The following ECE1 variants were observed in gnomAD, a reference collection of about 807,000 sequenced individuals.
The protein encoded by ECE1 is endothelin converting enzyme 1, also known as endothelin-converting enzyme 1.
In ECE1, 35 loss-of-function variants were observed where a neutral mutation model predicts 98.6. The ratio of observed to expected loss-of-function variants is 0.35; its 90% CI spans 0.27 to 0.47. The LOEUF is 0.47. Ranked by LOEUF, ECE1 falls within the 20% of genes least tolerant of loss-of-function variation. The probability of loss-of-function intolerance (pLI) is 1.00; values close to 1 mark genes in which losing one functional copy is unlikely to be tolerated. For missense variants in ECE1, 814 were observed against 1,025.3 expected (o/e 0.79, Z 2.81); for synonymous variants, 394 against 407.1 (o/e 0.97, Z 0.39).
In ECE1 at chr1:21,248,786, G is replaced by A. The variant is rs1012718686; in HGVS notation, c.1021-1423C>T. Among the ~76,000 whole-genome samples the A allele has an allele frequency of 1.7e-4, 26 of 151,862 alleles. No homozygotes were observed. In the East Asian group the frequency reaches 4.3e-3, roughly 25 times the overall value. ...ATTACAGGTGTGAGCCACCACTCCT[G>A]GCTAATTTTTGTATTTTTAGTAGAG... is the stretch of plus-strand genomic sequence containing the variant. On this transcript the variant is annotated intron_variant, in intron 8 of 18. Coordinates refer to ENST00000374893, the MANE Select transcript of ECE1 (RefSeq NM_001397.3).
At chr1:21,342,607 TACACAC>T (rs71014187) in intron 1 of ECE1, among the ~76,000 whole-genome samples, 8,484 of 139,692 alleles carry the variant, frequency 0.061, 350 homozygotes, top group Non-Finnish European at 0.093. Flanking sequence ...CACACACAGA[TACACAC>T]ACACACACAC....
chr1:21,221,606 A>G lies in ECE1; in HGVS notation c.2136+141T>C. On this transcript the variant is annotated intron_variant, in intron 18 of 18. Transcript: ENST00000374893. ...GGCCCTTCCGTGCATCTCTCTAATG[A>G]CAGGGCACATGTGCTGTGCACAGTC... is the stretch of plus-strand genomic sequence containing the variant. The G allele has an allele frequency of 3.4e-6, 3 of 886,824 alleles. No individual in the cohort carries two copies. The South Asian group carries it at 4.0e-5, about 12-fold the overall frequency. The allele number at this position is 886,824 out of a possible 1,614,324, so 54.9% of individuals were successfully genotyped here.
intron 10 of ECE1, among the ~76,000 whole-genome samples, chr1:21,242,280 T>C (rs545366265): frequency 6.6e-6 from 1 of 152,302 alleles, no homozygotes; most frequent in African/African-American, 2.4e-5. Context: ...CCAAATTCCA[T>C]GCCGTTTCCT....
Position 21,258,762 on chromosome 1 carries a change from G to C in ECE1, c.693C>G (p.Tyr231Ter), listed in dbSNP as rs1229153923. 1 of 1,614,132 alleles carries C rather than the reference G, an allele frequency of 6.2e-7. No homozygotes were observed. Among genetic ancestry groups the C allele is most frequent in the Non-Finnish European group, 8.5e-7 (1 of 1,180,056 alleles). ...AGACAGAGAAGAAGGGTGAGGTGCG[G>C]TAGTGGGCGGTGACCACCTGCAGGG... ...QDTLQVVTAH[Y>*]RTSPFFSVYV... The change falls in exon 6 of 19, where the codon TAC becomes TAG. Residue 231 changes from tyrosine to a stop codon, truncating the protein, a stop_gained. Transcript: ENST00000374893. LOFTEE classifies it high-confidence loss of function. The surrounding 1 kb of genome is among the most constrained non-coding windows in gnomAD (Gnocchi z 4.2).
intron 1 of ECE1, among the ~76,000 whole-genome samples, chr1:21,337,892 C>T (rs1343197887): frequency 6.6e-6 from 1 of 152,224 alleles, no homozygotes; most frequent in Non-Finnish European, 1.5e-5. Flanking sequence ...GCCTCCCTGC[C>T]CTCTCCTCCC....
At position 21,307,310 on chromosome 1, in the gene ECE1, C is replaced by T. The variant is rs1349115639; in HGVS notation, c.4-17154G>A. ...TCCACATCATGGGTGGAAGATAGATCTCAAGGTCAGACACATTTGGCTGCT... is the reference window on the plus strand; with the variant it reads ...TCCACATCATGGGTGGAAGATAGATTTCAAGGTCAGACACATTTGGCTGCT... On this transcript the variant is annotated intron_variant, in intron 1 of 18. Coordinates refer to the ECE1 transcript ENST00000415912. This position sits in a 1 kb window ranked among gnomAD's most constrained non-coding sequence, Gnocchi z 4.2. Among the ~76,000 whole-genome samples, 1 of 152,204 alleles carries T rather than the reference C, an allele frequency of 6.6e-6. No homozygotes were observed. Among genetic ancestry groups the T allele is most frequent in the Non-Finnish European group, 1.5e-5 (1 of 68,040 alleles).
At chr1:21,329,125 G>T (rs1639142835) in intron 1 of ECE1, among the ~76,000 whole-genome samples, 1 of 152,110 alleles carries the variant, frequency 6.6e-6, no homozygotes, top group Non-Finnish European at 1.5e-5. Flanking sequence ...TAGATTTCTA[G>T]CATATTCTAT....
intron 17 of ECE1, among the ~76,000 whole-genome samples, chr1:21,222,563 G>A (rs1005291363): frequency 3.9e-5 from 6 of 152,092 alleles, no homozygotes; most frequent in Admixed American, 6.6e-5. Context: ...CCACATGGCC[G>A]GGTGCGATGA....
chr1:21,254,494 CAGAAGCAGT>C lies in ECE1; in HGVS notation c.1020+1444_1020+1452del, dbSNP rs538817384. Among the ~76,000 whole-genome samples the C allele has an allele frequency of 6.6e-4, 100 of 152,178 alleles. 1 individual carries two copies. The highest frequency in any genetic ancestry group is 5.7e-3 in the Admixed American group (87 of 15,282). ...TCTTCCTCTGCTTGGAAGAAGAGAG[CAGAAGCAGT>C]GGTGATAGGATGCCTGGGGGGAACC... On this transcript the variant is annotated intron_variant, in intron 8 of 18. Coordinates refer to ENST00000374893, the MANE Select transcript of ECE1 (RefSeq NM_001397.3).
chr1:21,275,674 T>C (rs1177153051), intron 3 of ECE1, among the ~76,000 whole-genome samples: 4 of 152,354 alleles, frequency 2.6e-5, no homozygotes, highest in African/African-American at 7.2e-5. Flanking sequence ...GCTAGGGACC[T>C]ACGAGGTGCT....
At chr1:21,293,807 T>C (rs1388719613), upstream of ECE1, 1 of 152,364 alleles carries the variant, frequency 6.6e-6, no homozygotes, top group Non-Finnish European at 1.5e-5. Context: ...ACTACCCCAA[T>C]GGCTCCCCAC....
intron 8 of ECE1, among the ~76,000 whole-genome samples, chr1:21,253,325 G>A (rs1268992424): frequency 2.6e-5 from 4 of 151,784 alleles, no homozygotes; most frequent in Non-Finnish European, 5.9e-5. Context: ...CCAAAGTGCT[G>A]GAATTACAGG....
At chr1:21,343,084 C>A (rs1223402790) in intron 1 of ECE1, among the ~76,000 whole-genome samples, 2 of 152,156 alleles carry the variant, frequency 1.3e-5, no homozygotes, top group Admixed American at 1.3e-4. Context: ...CCCGGGACAC[C>A]CCTTCCAGTT....
At chr1:21,295,123 T>C (rs749315559), upstream of ECE1, among the ~76,000 whole-genome samples, 24 of 152,262 alleles carry the variant, frequency 1.6e-4, no homozygotes, top group Non-Finnish European at 3.1e-4. Flanking sequence ...TCAGCCTCTC[T>C]GTGCCTCAGT....
intron 1 of ECE1, among the ~76,000 whole-genome samples, chr1:21,317,078 G>T (rs1171261834): frequency 6.6e-6 from 1 of 152,026 alleles, no homozygotes; most frequent in Non-Finnish European, 1.5e-5. Flanking sequence ...GGGGGTATGG[G>T]GGATTCAACT....
chr1:21,249,683 G>GA (rs1482061900), intron 8 of ECE1, among the ~76,000 whole-genome samples: 2 of 151,706 alleles, frequency 1.3e-5, no homozygotes, highest in Non-Finnish European at 1.5e-5. Context: ...CCCTGCCTCA[G>GA]AAAAAAAAGA....
upstream of ECE1, among the ~76,000 whole-genome samples, chr1:21,292,639 C>A (rs942347027): frequency 6.6e-6 from 1 of 152,212 alleles, no homozygotes; most frequent in Non-Finnish European, 1.5e-5. Flanking sequence ...GCCTGTCCAA[C>A]AGAGACTCTC....
At chr1:21,229,820 TA>T (rs897234923) in intron 14 of ECE1, among the ~76,000 whole-genome samples, 1 of 152,046 alleles carries the variant, frequency 6.6e-6, no homozygotes, top group African/African-American at 2.4e-5. Context: ...CACGCCTGGG[TA>T]AAAGATCCAT....
At chr1:21,236,688 C>T in intron 12 of ECE1, 58 bp downstream of exon 12, 2 of 1,523,062 alleles carry the variant, frequency 1.3e-6, no homozygotes, top group Non-Finnish European at 9.1e-7. Flanking sequence ...CTTCCCCCAC[C>T]CTCCTCTATC....
Sources: allele counts gnomAD v4.1 joint callset (sites outside exome capture counted in the v4.1 genomes callset), GRCh38; gene constraint gnomAD v4.1.1; non-coding constraint Gnocchi (gnomAD v3.1); transcripts MANE v1.5; gene names NCBI Gene and HGNC (gene_info 2026-07-23, HGNC 2026-07-21).